MIPOL1: variants seen among roughly 807,000 people sequenced by gnomAD.
The protein encoded by MIPOL1 is mirror-image polydactyly 1.
In MIPOL1, 57 loss-of-function variants were observed where a neutral mutation model predicts 60.9. That is an observed-to-expected ratio of 0.94 (90% CI 0.76 to 1.17). The LOEUF (loss-of-function observed/expected upper bound fraction) is 1.17. Ranked by LOEUF, MIPOL1 falls within the 50% of genes most tolerant of loss-of-function variation. The pLI is 0.00. For synonymous variants in MIPOL1, 179 were observed against 168.8 expected (o/e 1.06, Z -0.47); for missense variants, 551 against 511.6 (o/e 1.08, Z -0.74).
At chr14:37,337,505 A>G (rs1262021022) in intron 9 of MIPOL1, among the ~76,000 whole-genome samples, 2 of 149,680 alleles carry the variant, frequency 1.3e-5, no homozygotes, top group Non-Finnish European at 3.0e-5. Context: ...AGTTGCTAGG[A>G]TTACAGGTGC....
intron 1 of MIPOL1, among the ~76,000 whole-genome samples, chr14:37,218,355 AT>A (rs35605561): frequency 0.98 from 145,872 of 148,776 alleles, 71,544 homozygotes; most frequent in Non-Finnish European, 1. Flanking sequence ...TCATTTTTGT[AT>A]TTTTTTTTTT....
At chr14:37,302,633 C>CTTT (rs59760327) in intron 7 of MIPOL1, among the ~76,000 whole-genome samples, 1 of 125,146 alleles carries the variant, frequency 8.0e-6, no homozygotes, top group African/African-American at 2.9e-5. Flanking sequence ...ATTAAAAAAT[C>CTTT]TTTTTTTTTT....
intron 10 of MIPOL1, among the ~76,000 whole-genome samples, chr14:37,402,501 G>C (rs1595608890): frequency 6.6e-6 from 1 of 152,166 alleles, no homozygotes; most frequent in Non-Finnish European, 1.5e-5. Context: ...CTGTGTTATG[G>C]ATGAGAAAAT....
At chr14:37,388,791 T>C (rs1042942371) in intron 10 of MIPOL1, among the ~76,000 whole-genome samples, 1 of 152,060 alleles carries the variant, frequency 6.6e-6, no homozygotes, top group African/African-American at 2.4e-5. Context: ...GATTTTGAGA[T>C]TCATCCATGT....
chr14:37,225,488 A>C (rs536644076), intron 1 of MIPOL1, among the ~76,000 whole-genome samples: 73 of 152,174 alleles, frequency 4.8e-4, no homozygotes, highest in Non-Finnish European at 8.5e-4. Context: ...CCAAGGTTTG[A>C]GGCTTGCACC....
At chr14:37,346,132 C>T (rs1183509558) in intron 9 of MIPOL1, among the ~76,000 whole-genome samples, 1 of 152,052 alleles carries the variant, frequency 6.6e-6, no homozygotes, top group Non-Finnish European at 1.5e-5. Flanking sequence ...AAGTTCAAGA[C>T]CAGCCTGACC....
At chr14:37,427,282 A>G (rs2093982940) in intron 11 of MIPOL1, among the ~76,000 whole-genome samples, 1 of 152,326 alleles carries the variant, frequency 6.6e-6, no homozygotes, top group Non-Finnish European at 1.5e-5. Flanking sequence ...GGACAAACCT[A>G]AAGACATTAT....
chr14:37,541,048 A>G (rs1753992496), intron 12 of MIPOL1, among the ~76,000 whole-genome samples: 1 of 152,092 alleles, frequency 6.6e-6, no homozygotes, highest in Admixed American at 6.6e-5. Flanking sequence ...ACAAACTTCA[A>G]TATCTATGTC....
intron 12 of MIPOL1, among the ~76,000 whole-genome samples, chr14:37,536,121 T>G (rs533801828): frequency 6.6e-6 from 1 of 152,310 alleles, no homozygotes; most frequent in African/African-American, 2.4e-5. Context: ...GAATTAGATT[T>G]GATTAATTTT....
At chr14:37,294,652 G>A (rs1467089237) in intron 7 of MIPOL1, among the ~76,000 whole-genome samples, 2 of 152,118 alleles carry the variant, frequency 1.3e-5, no homozygotes, top group Non-Finnish European at 2.9e-5. Flanking sequence ...CGAGAACTAC[G>A]TGATGAATGC....
intron 10 of MIPOL1, among the ~76,000 whole-genome samples, chr14:37,410,922 AC>A (rs1224991112): frequency 2.0e-5 from 3 of 152,106 alleles, no homozygotes; most frequent in Admixed American, 6.6e-5. Flanking sequence ...ATAACATAGA[AC>A]TAGCGAGGAA....
At chr14:37,496,678 C>G (rs1594729526) in intron 11 of MIPOL1, among the ~76,000 whole-genome samples, 1 of 151,730 alleles carries the variant, frequency 6.6e-6, no homozygotes, top group Non-Finnish European at 1.5e-5. Flanking sequence ...AAGAACATTC[C>G]ATGCTCATGG....
chr14:37,446,480 T>G (rs2094337074), intron 11 of MIPOL1, among the ~76,000 whole-genome samples: 1 of 152,088 alleles, frequency 6.6e-6, no homozygotes. Context: ...TTGATGGGAC[T>G]GTAAACTAGT....
At chr14:37,238,688 C>T (rs1594667199) in intron 1 of MIPOL1, among the ~76,000 whole-genome samples, 1 of 151,862 alleles carries the variant, frequency 6.6e-6, no homozygotes, top group African/African-American at 2.4e-5. Context: ...CAGTGGCTCA[C>T]GCCTGTAATC....
intron 1 of MIPOL1, among the ~76,000 whole-genome samples, chr14:37,210,156 A>G (rs746881624): frequency 3.9e-4 from 60 of 152,202 alleles, no homozygotes; most frequent in Admixed American, 7.9e-4. Context: ...ACTAAATGTC[A>G]GGGAGTTTTT....
In MIPOL1 at chr14:37,548,239, A is replaced by G. The variant is rs2095553047; in HGVS notation, c.*1268A>G. The G allele has an allele frequency of 6.6e-6, 1 of 152,038 alleles. No homozygotes were observed. The highest frequency in any genetic ancestry group is 2.4e-5 in the African/African-American group (1 of 41,460). 9.4% of individuals were successfully genotyped at this position (152,038 alleles called of 1,614,324 possible). On this transcript the variant is annotated 3_prime_UTR_variant, in exon 13 of 13. Transcript: ENST00000684589. Reference sequence around the variant, plus strand: ...CATTGCCTATTTACAGGATAAGTACATTCAGGACAATTTATTGTACCATTC... The same window carrying G: ...CATTGCCTATTTACAGGATAAGTACGTTCAGGACAATTTATTGTACCATTC...
chr14:37,422,134 G>A (rs915661213), intron 10 of MIPOL1, among the ~76,000 whole-genome samples: 5 of 152,004 alleles, frequency 3.3e-5, no homozygotes, highest in Admixed American at 2.0e-4. Flanking sequence ...GAATGATGGT[G>A]GGAGGGTGGC....
At chr14:37,227,134 C>T (rs551242839) in intron 1 of MIPOL1, among the ~76,000 whole-genome samples, 61 of 152,182 alleles carry the variant, frequency 4.0e-4, no homozygotes, top group African/African-American at 8.7e-4. Context: ...TATTATCTTA[C>T]GGTTCTGGAG....
chr14:37,298,722 T>C (rs577146656), intron 7 of MIPOL1, among the ~76,000 whole-genome samples: 2 of 152,046 alleles, frequency 1.3e-5, no homozygotes, highest in East Asian at 1.9e-4. Flanking sequence ...GGCCATCAGA[T>C]AAATGCAAAT....
Sources: gnomAD v4.1 joint callset for allele counts (sites outside exome capture counted in the v4.1 genomes callset) on GRCh38, gnomAD v4.1.1 for gene constraint, MANE v1.5 for transcripts, NCBI Gene and HGNC (gene_info 2026-07-23, HGNC 2026-07-21) for gene names.